CTNNA2: variants seen among roughly 807,000 people sequenced by gnomAD.
CTNNA2 encodes the protein catenin alpha-2.
In CTNNA2, 42 loss-of-function variants were observed where a neutral mutation model predicts 101.0. The observed-to-expected ratio is 0.42, with a 90% CI of 0.32 to 0.54. CTNNA2 has a LOEUF of 0.54. Ranked by LOEUF, CTNNA2 falls within the 20% of genes least tolerant of loss-of-function variation. The pLI, the probability that CTNNA2 is intolerant of heterozygous loss-of-function variation, is 0.14. For missense variants in CTNNA2, 871 were observed against 1,223.1 expected (o/e 0.71, Z 4.29); for synonymous variants, 450 against 456.4 (o/e 0.99, Z 0.18).
Position 80,443,115 on chromosome 2 carries a change from G to A in CTNNA2, c.1290+23514G>A, listed in dbSNP as rs143537170. 6.2e-3 allele frequency among the ~76,000 whole-genome samples: 946 copies of A among 152,248 alleles called. 10 individuals carry two copies. Among genetic ancestry groups the A allele is most frequent in the African/African-American group, 0.022 (899 of 41,542 alleles). ...AACTGAATAAAGGCAGCCTTCCTGTGGAACCAAAGTTCACTTAATCGTGCC... is the reference window on the plus strand; with the variant it reads ...AACTGAATAAAGGCAGCCTTCCTGTAGAACCAAAGTTCACTTAATCGTGCC... On this transcript the variant is annotated intron_variant, in intron 9 of 18. Coordinates refer to ENST00000402739, the MANE Select transcript of CTNNA2 (RefSeq NM_001282597.3).
intron 7 of CTNNA2, among the ~76,000 whole-genome samples, chr2:80,047,334 C>G (rs976725145): frequency 2.6e-5 from 4 of 152,202 alleles, no homozygotes; most frequent in Non-Finnish European, 5.9e-5. Flanking sequence ...AACCTAGAGG[C>G]TACCGTATGG....
At chr2:79,332,707 G>T (rs1676902822) in intron 3 of CTNNA2, among the ~76,000 whole-genome samples, 2 of 152,118 alleles carry the variant, frequency 1.3e-5, no homozygotes, top group African/African-American at 4.8e-5. Flanking sequence ...CCTTGATCAG[G>T]GATTGGCGTT....
chr2:79,426,138 A>T (rs1678590282), intron 4 of CTNNA2, among the ~76,000 whole-genome samples: 1 of 152,152 alleles, frequency 6.6e-6, no homozygotes, highest in South Asian at 2.1e-4. Flanking sequence ...TTTGTGAAAT[A>T]TATTCATAAA....
At chr2:79,504,446 C>G (rs1031539171) in intron 4 of CTNNA2, among the ~76,000 whole-genome samples, 1 of 152,106 alleles carries the variant, frequency 6.6e-6, no homozygotes, top group Non-Finnish European at 1.5e-5. Flanking sequence ...CATGCTACCA[C>G]ACACGGTTAA....
upstream of CTNNA2, among the ~76,000 whole-genome samples, chr2:79,512,063 A>T (rs917461519): frequency 6.6e-6 from 1 of 152,152 alleles, no homozygotes; most frequent in African/African-American, 2.4e-5. Flanking sequence ...TATATTTCTC[A>T]TCTGATGTAG....
At chr2:79,341,485 T>C (rs1677136183) in intron 3 of CTNNA2, among the ~76,000 whole-genome samples, 1 of 152,162 alleles carries the variant, frequency 6.6e-6, no homozygotes, top group African/African-American at 2.4e-5. Context: ...GGGTTTAAAT[T>C]CTGACTCCTT....
chr2:79,477,472 A>G (rs939384827), intron 4 of CTNNA2, among the ~76,000 whole-genome samples: 1 of 152,012 alleles, frequency 6.6e-6, no homozygotes, highest in African/African-American at 2.4e-5. Context: ...CACCCAGCCC[A>G]TTGCATGATC....
At chr2:80,121,418 C>T (rs1035028771) in intron 7 of CTNNA2, among the ~76,000 whole-genome samples, 2 of 152,128 alleles carry the variant, frequency 1.3e-5, no homozygotes, top group African/African-American at 4.8e-5. Flanking sequence ...GTTTTGAAAA[C>T]AGTGTGGTAT....
intron 4 of CTNNA2, among the ~76,000 whole-genome samples, chr2:79,469,915 C>A (rs1435176866): frequency 6.6e-6 from 1 of 152,138 alleles, no homozygotes; most frequent in East Asian, 1.9e-4. Flanking sequence ...ATACCCACAG[C>A]CAATATCATA....
intron 2 of CTNNA2, among the ~76,000 whole-genome samples, chr2:79,724,897 G>T (rs1364041862): frequency 1.3e-5 from 2 of 150,448 alleles, no homozygotes; most frequent in African/African-American, 4.9e-5. Flanking sequence ...CAGCACATCA[G>T]CACGTCTACT....
intron 7 of CTNNA2, among the ~76,000 whole-genome samples, chr2:80,198,433 A>G (rs1256627725): frequency 6.6e-6 from 1 of 152,192 alleles, no homozygotes; most frequent in African/African-American, 2.4e-5. Flanking sequence ...AGTGAAAGCT[A>G]AGCTCTCATA....
At position 80,442,017 on chromosome 2, in the gene CTNNA2, G is replaced by A. The variant is rs1046752795; in HGVS notation, c.1290+22416G>A. Among the ~76,000 whole-genome samples the A allele has an allele frequency of 3.3e-5, 5 of 152,342 alleles. No homozygotes were observed. The East Asian group carries it at 9.7e-4, about 29-fold the overall frequency. ...TCTGCATCTTTCTGCACTTGCAGAG[G>A]ACTGGCTCTAAGAGGACTAGTAGCC... On this transcript the variant is annotated intron_variant, in intron 9 of 18. Coordinates refer to ENST00000402739, the MANE Select transcript of CTNNA2 (RefSeq NM_001282597.3).
At chr2:79,858,557 T>G (rs1681327538) in intron 4 of CTNNA2, among the ~76,000 whole-genome samples, 1 of 152,178 alleles carries the variant, frequency 6.6e-6, no homozygotes, top group South Asian at 2.1e-4. Context: ...GGGTCAGCTC[T>G]GCTGAGCAGC....
chr2:79,840,957 G>C (rs1376904308), intron 3 of CTNNA2, among the ~76,000 whole-genome samples: 1 of 152,104 alleles, frequency 6.6e-6, no homozygotes, highest in Non-Finnish European at 1.5e-5. Flanking sequence ...TTTTAGTAGA[G>C]ACGGGGTTTC....
chr2:79,245,022 G>A (rs189205085), intron 2 of CTNNA2, among the ~76,000 whole-genome samples: 216 of 152,018 alleles, frequency 1.4e-3, no homozygotes, highest in African/African-American at 4.9e-3. Flanking sequence ...TTGAACTCGG[G>A]AGGCGGAGTT....
chr2:80,544,363 T>C (rs1431289898), intron 9 of CTNNA2, among the ~76,000 whole-genome samples: 2 of 152,062 alleles, frequency 1.3e-5, no homozygotes, highest in Non-Finnish European at 2.9e-5. Flanking sequence ...GGCCATCAAA[T>C]TTGAATGTCT....
intron 17 of CTNNA2, among the ~76,000 whole-genome samples, chr2:80,610,092 T>C (rs907952506): frequency 6.6e-6 from 1 of 151,710 alleles, no homozygotes; most frequent in Admixed American, 6.6e-5. Flanking sequence ...TTGTTCAACT[T>C]GATAATTATT....
At chr2:79,707,086 T>C (rs1006168988) in intron 2 of CTNNA2, among the ~76,000 whole-genome samples, 5 of 152,154 alleles carry the variant, frequency 3.3e-5, no homozygotes, top group African/African-American at 1.2e-4. Context: ...TTATGAATCA[T>C]GGAAAGGACC....
Position 80,416,525 on chromosome 2 carries a change from T to C in CTNNA2, c.1138-2924T>C, listed in dbSNP as rs187914423. Among the ~76,000 whole-genome samples the C allele has an allele frequency of 5.3e-4, 81 of 152,280 alleles. No homozygotes were observed. In the East Asian group the frequency reaches 0.013, roughly 24 times the overall value. Reference sequence around the variant, plus strand: ...AATTAAAATTTCATAGTTAATCATTTGCTTTCTTCTACCTTTAAACGCAAT... The same window carrying C: ...AATTAAAATTTCATAGTTAATCATTCGCTTTCTTCTACCTTTAAACGCAAT... On this transcript the variant is annotated intron_variant, in intron 8 of 18. Coordinates refer to ENST00000402739, the MANE Select transcript of CTNNA2 (RefSeq NM_001282597.3).
Sources: gnomAD v4.1 joint callset for allele counts (sites outside exome capture counted in the v4.1 genomes callset) on GRCh38, gnomAD v4.1.1 for gene constraint, MANE v1.5 for transcripts, NCBI Gene and HGNC (gene_info 2026-07-23, HGNC 2026-07-21) for gene names.